KIAA1671: variants seen among roughly 807,000 people sequenced by gnomAD.
The protein encoded by KIAA1671 is KIAA1671, also known as uncharacterized protein KIAA1671.
KIAA1671 carries 52 observed loss-of-function variants against 131.2 expected under a neutral mutation model. That is an observed-to-expected ratio of 0.40 (90% CI 0.32 to 0.50). The LOEUF (loss-of-function observed/expected upper bound fraction) is 0.50, where lower values mean the gene tolerates loss of function less well. KIAA1671 is among the 20% of genes least tolerant of loss of function. The pLI is 0.73. For synonymous variants in KIAA1671, 1,003 were observed against 961.6 expected (o/e 1.04, Z -0.80); for missense variants, 2,360 against 2,364.2 (o/e 1.00, Z 0.04).
Position 25,041,030 on chromosome 22 carries a change from A to C in KIAA1671, c.3900A>C (p.Pro1300=), listed in dbSNP as rs1602090997. 3 of 1,494,282 alleles carry C rather than the reference A, an allele frequency of 2.0e-6. No homozygotes were observed. The highest frequency in any genetic ancestry group is 2.7e-6 in the Non-Finnish European group (3 of 1,120,960). 92.6% of individuals were successfully genotyped at this position (1,494,282 alleles called of 1,614,324 possible). A position where few individuals can be genotyped will look rare whatever the true frequency, so the allele number is the denominator to read the frequency against. The change falls in exon 5 of 13, where the codon CCA becomes CCC. Residue 1300 remains proline, a synonymous_variant. Transcript: ENST00000358431. ...TKSSPPFWAL[P]PSAPSERYPG... is the part of the protein sequence containing the mutation. Reference sequence around the variant, plus strand: ...CTAGCCCTCCCTTCTGGGCTCTGCCACCCTCGGCTCCTTCTGAAAGGTATC... The same window carrying C: ...CTAGCCCTCCCTTCTGGGCTCTGCCCCCCTCGGCTCCTTCTGAAAGGTATC...
At chr22:25,157,592 A>G (rs1933286745) in intron 6 of KIAA1671, among the ~76,000 whole-genome samples, 1 of 152,204 alleles carries the variant, frequency 6.6e-6, no homozygotes, top group Non-Finnish European at 1.5e-5. Context: ...TAGAGCTTAT[A>G]TTAACAGAAA....
intron 1 of KIAA1671, among the ~76,000 whole-genome samples, chr22:25,015,782 C>T (rs1477305400): frequency 1.3e-5 from 2 of 152,084 alleles, no homozygotes; most frequent in Non-Finnish European, 2.9e-5. Flanking sequence ...TTGGGGAAGG[C>T]CATCTCAAGC....
chr22:25,101,188 G>C (rs1443791901), intron 6 of KIAA1671, among the ~76,000 whole-genome samples: 1 of 152,232 alleles, frequency 6.6e-6, no homozygotes, highest in Non-Finnish European at 1.5e-5. Flanking sequence ...CCCAGGGTCT[G>C]ATTGCCCCCA....
rs1473562255 is a variant in KIAA1671 at position 25,193,028 on chromosome 22, G to A, written c.*627G>A. 6.6e-6 allele frequency: 1 copy of A among 151,982 alleles called. No individual in the cohort carries two copies. Among genetic ancestry groups the A allele is most frequent in the African/African-American group, 2.4e-5 (1 of 41,362 alleles). 9.4% of individuals were successfully genotyped at this position (151,982 alleles called of 1,614,324 possible). On this transcript the variant is annotated 3_prime_UTR_variant, in exon 13 of 13. Coordinates refer to ENST00000358431, the MANE Select transcript of KIAA1671 (RefSeq NM_001145206.2). ...GTATTTCTCTTTCTAGTGGGGCTGT[G>A]TGCATCGTTGGCCTATGTTATTGTA...
chr22:25,148,723 A>G (rs1232314551), intron 6 of KIAA1671, among the ~76,000 whole-genome samples: 2 of 148,078 alleles, frequency 1.4e-5, no homozygotes, highest in African/African-American at 5.2e-5. Flanking sequence ...AAGGCTTGGG[A>G]TGTTAGAAGG....
chr22:25,023,515 A>C (rs1226673803), intron 1 of KIAA1671: 2 of 152,256 alleles, frequency 1.3e-5, no homozygotes, highest in Non-Finnish European at 2.9e-5. Flanking sequence ...ATGTGATAAC[A>C]TTTAAAAGAA....
intron 2 of KIAA1671, among the ~76,000 whole-genome samples, chr22:25,026,727 T>C (rs1925963020): frequency 6.7e-6 from 1 of 150,262 alleles, no homozygotes; most frequent in South Asian, 2.1e-4. Flanking sequence ...TGAAACTTGG[T>C]CTCAAAAAAA....
At chr22:25,162,715 A>G (rs943955981) in intron 6 of KIAA1671, among the ~76,000 whole-genome samples, 3 of 152,204 alleles carry the variant, frequency 2.0e-5, no homozygotes, top group African/African-American at 4.8e-5. Flanking sequence ...CTGAAAGCAA[A>G]ATCTAGCCGG....
chr22:25,115,966 G>A (rs1347276323), intron 6 of KIAA1671, among the ~76,000 whole-genome samples: 1 of 152,096 alleles, frequency 6.6e-6, no homozygotes, highest in Non-Finnish European at 1.5e-5. Flanking sequence ...AGTAGAGACA[G>A]GGTTTCACCA....
intron 6 of KIAA1671, among the ~76,000 whole-genome samples, chr22:25,077,323 AT>A (rs59519245): frequency 0.069 from 10,479 of 152,132 alleles, 1,165 homozygotes; most frequent in African/African-American, 0.24. Flanking sequence ...TGTGCTGAGG[AT>A]TAGCTAAGAA....
At chr22:25,182,012 C>T (rs1934295981) in intron 10 of KIAA1671, among the ~76,000 whole-genome samples, 189 bp downstream of exon 10, 1 of 152,032 alleles carries the variant, frequency 6.6e-6, no homozygotes, top group Non-Finnish European at 1.5e-5. Flanking sequence ...CCCGTCTCTA[C>T]TAAAAAATAG....
chr22:25,093,744 C>CTCTCTGTCTCTCTCTCTT (rs1930174434), intron 6 of KIAA1671, among the ~76,000 whole-genome samples: 2 of 104,962 alleles, frequency 1.9e-5, no homozygotes, highest in Non-Finnish European at 4.0e-5. Context: ...CACACTCTCT[C>CTCTCTGTCTCTCTCTCTT]TCTCTCTCTC....
At chr22:25,027,636 T>C (rs1343136241) in intron 2 of KIAA1671, among the ~76,000 whole-genome samples, 2 of 152,226 alleles carry the variant, frequency 1.3e-5, no homozygotes, top group Non-Finnish European at 2.9e-5. Flanking sequence ...GTAGCAGAGA[T>C]CACTGCTTTT....
intron 6 of KIAA1671, among the ~76,000 whole-genome samples, chr22:25,068,193 C>G (rs945766565): frequency 2.0e-5 from 3 of 148,354 alleles, no homozygotes; most frequent in Admixed American, 7.0e-5. Flanking sequence ...GGAGCAGGGC[C>G]AGCCTTCCGA....
chr22:25,011,084 C>T (rs946788263), intron 1 of KIAA1671: 2 of 151,950 alleles, frequency 1.3e-5, no homozygotes, highest in African/African-American at 4.8e-5. Flanking sequence ...TCAAGTGATT[C>T]TCATGCCTCA....
rs1025114499 is a variant in KIAA1671 at position 25,039,782 on chromosome 22, C to T, written c.2652C>T (p.Leu884=). The T allele has an allele frequency of 2.3e-5, 34 of 1,504,882 alleles. No homozygotes were observed. In the African/African-American group the frequency reaches 2.6e-4, roughly 12 times the overall value. 93.2% of individuals were successfully genotyped at this position (1,504,882 alleles called of 1,614,324 possible). A position where few individuals can be genotyped will look rare whatever the true frequency, so the allele number is the denominator to read the frequency against. ...GARGPPQGCP[L]DPLSRATNGP... is the part of the protein sequence containing the mutation. ...GGGGCCCACCCCAGGGATGCCCCCT[C>T]GATCCTCTTTCCAGGGCTACGAATG... The change falls in exon 5 of 13, where the codon CTC becomes CTT. Residue 884 remains leucine (L), a synonymous_variant. Transcript: ENST00000358431.
At chr22:24,972,311 A>T (rs1449254032) in intron 1 of KIAA1671, among the ~76,000 whole-genome samples, 1 of 152,216 alleles carries the variant, frequency 6.6e-6, no homozygotes, top group Non-Finnish European at 1.5e-5. Flanking sequence ...AGAGATCTGC[A>T]TTCAGGACCC....
chr22:24,982,190 A>G (rs1415050918), intron 1 of KIAA1671, among the ~76,000 whole-genome samples: 1 of 152,220 alleles, frequency 6.6e-6, no homozygotes, highest in Non-Finnish European at 1.5e-5. Context: ...AATTCTATGT[A>G]TTATTACTGT....
chr22:25,154,412 C>G (rs1045075992), intron 6 of KIAA1671, among the ~76,000 whole-genome samples: 1 of 152,214 alleles, frequency 6.6e-6, no homozygotes, highest in Non-Finnish European at 1.5e-5. Context: ...TGCAGGAGCT[C>G]GTTCTGTCCT....
Sources: allele counts gnomAD v4.1 joint callset (sites outside exome capture counted in the v4.1 genomes callset), GRCh38; gene constraint gnomAD v4.1.1; transcripts MANE v1.5; gene names NCBI Gene and HGNC (gene_info 2026-07-23, HGNC 2026-07-21).